The following ANKRD28 variants were observed in gnomAD, a reference collection of about 807,000 sequenced individuals.
ANKRD28 encodes the protein serine/threonine-protein phosphatase 6 regulatory ankyrin repeat subunit A.
In ANKRD28, 44 loss-of-function variants were observed where a neutral mutation model predicts 126.5. The observed-to-expected ratio is 0.35, with a 90% confidence interval of 0.27 to 0.45. The LOEUF (loss-of-function observed/expected upper bound fraction) is 0.45, where lower values mean the gene tolerates loss of function less well. ANKRD28 is among the 20% of genes least tolerant of loss of function. ANKRD28 has a pLI of 1.00. For missense variants in ANKRD28, 1,110 were observed against 1,316.6 expected, an observed-to-expected ratio of 0.84 and a Z score of 2.43; for synonymous variants, 442 against 468.5, an observed-to-expected ratio of 0.94 and a Z score of 0.73.
At chr3:15,709,865 C>T in intron 12 of ANKRD28, 129 bp from the exon 13 acceptor site, 1 of 565,878 alleles carries the variant, frequency 1.8e-6, no homozygotes, top group Non-Finnish European at 3.1e-6. Flanking sequence ...GATTTACATT[C>T]TATGAAGAAT....
intron 18 of ANKRD28, 64 bp downstream of exon 18, chr3:15,689,954 AT>A: frequency 7.2e-7 from 1 of 1,382,654 alleles, no homozygotes; most frequent in South Asian, 1.4e-5. Context: ...AATATTATAT[AT>A]CAGAAATTGA....
chr3:15,678,473 C>A, intron 23 of ANKRD28, 119 bp from the exon 24 acceptor site: 1 of 880,150 alleles, frequency 1.1e-6, no homozygotes, highest in South Asian at 2.2e-5. Context: ...TACAAAAGCA[C>A]TGCCTGTACA....
intron 1 of ANKRD28, among the ~76,000 whole-genome samples, chr3:15,813,587 C>G (rs1392117329): frequency 6.6e-6 from 1 of 152,168 alleles, no homozygotes; most frequent in Non-Finnish European, 1.5e-5. Flanking sequence ...CCATAATTTT[C>G]TCCTTTTATA....
chr3:15,789,742 C>T (rs1440046653), intron 2 of ANKRD28, among the ~76,000 whole-genome samples: 2 of 151,964 alleles, frequency 1.3e-5, no homozygotes, highest in African/African-American at 4.8e-5. Context: ...AACTATGTTA[C>T]ATGACTTCTA....
intron 27 of ANKRD28, 74 bp downstream of exon 27, chr3:15,675,824 G>A (rs1468142982): frequency 2.4e-6 from 3 of 1,263,344 alleles, no homozygotes; most frequent in Non-Finnish European, 3.2e-6. Flanking sequence ...AAATATCCAA[G>A]TTTATTTCTC....
rs1194737206 is a variant in ANKRD28 at position 15,843,962 on chromosome 3, G to A, written c.27+15415C>T. ...GGGCCAAAAGGGCTAAAGGAAGGGA[G>A]GTTAAGGTGGAAATGCAGGAACGAA... On this transcript the variant is annotated intron_variant, in intron 1 of 27. Transcript: ENST00000399451. This position sits in a 1 kb window ranked among gnomAD's most constrained non-coding sequence, Gnocchi z 5.2. Among the ~76,000 whole-genome samples, 1 of 152,110 alleles carries A rather than the reference G, an allele frequency of 6.6e-6. No homozygotes were observed. Among genetic ancestry groups the A allele is most frequent in the Non-Finnish European group, 1.5e-5 (1 of 68,002 alleles).
chr3:15,746,252 A>G (rs929158321), intron 4 of ANKRD28, among the ~76,000 whole-genome samples: 4 of 152,202 alleles, frequency 2.6e-5, no homozygotes, highest in Admixed American at 2.6e-4. Context: ...TATTTTGAAT[A>G]GAAGTGGTGA....
intron 4 of ANKRD28, among the ~76,000 whole-genome samples, chr3:15,750,699 A>G (rs2057803333): frequency 6.6e-6 from 1 of 152,178 alleles, no homozygotes. Flanking sequence ...TGTAGTTCAC[A>G]ATGAGGAATA....
chr3:15,703,379 T>C (rs1190808084), intron 14 of ANKRD28, among the ~76,000 whole-genome samples: 3 of 152,214 alleles, frequency 2.0e-5, no homozygotes, highest in Non-Finnish European at 4.4e-5. Context: ...CATGGTGAAA[T>C]TCCAACCTCA....
chr3:15,747,467 G>C (rs1394642041), intron 4 of ANKRD28, among the ~76,000 whole-genome samples: 1 of 152,062 alleles, frequency 6.6e-6, no homozygotes, highest in African/African-American at 2.4e-5. Context: ...CGATCACTCA[G>C]GAGCAGGTTA....
intron 14 of ANKRD28, among the ~76,000 whole-genome samples, chr3:15,702,107 T>C (rs1265789828): frequency 6.6e-6 from 1 of 152,236 alleles, no homozygotes; most frequent in African/African-American, 2.4e-5. Context: ...TGGGTAAGCA[T>C]TATCTCTAAC....
Position 15,709,232 on chromosome 3 carries a change from C to T in ANKRD28, c.1406+436G>A, listed in dbSNP as rs373454207. On this transcript the variant is annotated intron_variant, in intron 13 of 27. Coordinates refer to ENST00000683139, the MANE Select transcript of ANKRD28 (RefSeq NM_001349278.2). ...AAAAATTACACATATATATTTATAA[C>T]CTATTTCCTCCCTCTTACTACTGCT... Among the ~76,000 whole-genome samples the T allele has an allele frequency of 8.5e-5, 13 of 152,154 alleles. No individual in the cohort carries two copies. The East Asian group carries it at 1.3e-3, about 16-fold the overall frequency.
chr3:15,677,764 T>C (rs1385421471), intron 24 of ANKRD28, among the ~76,000 whole-genome samples: 1 of 152,196 alleles, frequency 6.6e-6, no homozygotes, highest in Non-Finnish European at 1.5e-5. Context: ...AGTCACACAC[T>C]CTAACAATGG....
intron 4 of ANKRD28, chr3:15,738,435 A>G (rs1026320162): frequency 2.6e-5 from 4 of 152,282 alleles, no homozygotes; most frequent in African/African-American, 9.6e-5. Flanking sequence ...GGGCGAGATC[A>G]CAGGACCAGG....
upstream of ANKRD28, chr3:15,798,218 A>G: frequency 1.0e-6 from 1 of 966,364 alleles, no homozygotes; most frequent in Non-Finnish European, 1.2e-6. Context: ...CAAACGGCTT[A>G]ACTGCTTTCG....
chr3:15,675,320 T>TC (rs2066819252), intron 27 of ANKRD28, among the ~76,000 whole-genome samples: 1 of 152,070 alleles, frequency 6.6e-6, no homozygotes, highest in Admixed American at 6.6e-5. Flanking sequence ...ATGAGAGGAA[T>TC]AACTGCGGAC....
At chr3:15,766,190 A>G (rs1416341249) in intron 3 of ANKRD28, 44 bp downstream of exon 3, 1 of 1,461,114 alleles carries the variant, frequency 6.8e-7, no homozygotes, top group East Asian at 2.3e-5. Context: ...TAAGAATAAC[A>G]AAAATATACA....
chr3:15,826,890 G>T (rs2061078955), intron 1 of ANKRD28, among the ~76,000 whole-genome samples: 1 of 152,128 alleles, frequency 6.6e-6, no homozygotes, highest in Non-Finnish European at 1.5e-5. Flanking sequence ...TACAAATTAG[G>T]ACTACAGAGT....
rs967489419 is a variant in ANKRD28 at position 15,838,369 on chromosome 3, C to T, written c.27+21008G>A. ...TCAGCAAACCAAATCCAGCAGCATA[C>T]AATAGGAATCATACAAATTGGCTAT... is the stretch of plus-strand genomic sequence containing the variant. On this transcript the variant is annotated intron_variant, in intron 1 of 27. Transcript: ENST00000399451. This position sits in a 1 kb window ranked among gnomAD's most constrained non-coding sequence, Gnocchi z 4.0. Among the ~76,000 whole-genome samples the T allele has an allele frequency of 1.3e-5, 2 of 152,108 alleles. No homozygotes were observed. The highest frequency in any genetic ancestry group is 3.8e-4 in the East Asian group (2 of 5,200).
Sources: allele counts gnomAD v4.1 joint callset (sites outside exome capture counted in the v4.1 genomes callset), GRCh38; gene constraint gnomAD v4.1.1; non-coding constraint Gnocchi (gnomAD v3.1); transcripts MANE v1.5; gene names NCBI Gene and HGNC (gene_info 2026-07-23, HGNC 2026-07-21).